ATM: variants seen among roughly 807,000 people sequenced by gnomAD.
ATM encodes ATM serine/threonine kinase.
In ATM, 308 loss-of-function variants were observed where a neutral mutation model predicts 387.0. That is an observed-to-expected ratio of 0.80 (90% CI 0.73 to 0.87). ATM has a LOEUF of 0.87. ATM is among the 40% of genes least tolerant of loss of function. The pLI is 0.00. For synonymous variants in ATM, 1,156 were observed against 1,187.3 expected, an observed-to-expected ratio of 0.97 and a Z score of 0.54; for missense variants, 3,312 against 3,560.9, an observed-to-expected ratio of 0.93 and a Z score of 1.78.
chr11:108,252,110 G>A, intron 11 of ATM, 79 bp downstream of exon 11: 1 of 1,256,594 alleles, frequency 8.0e-7, no homozygotes, highest in Non-Finnish European at 1.1e-6. Context: ...ATGCCAGATG[G>A]CTTTATTTTA....
intron 58 of ATM, 131 bp downstream of exon 58, chr11:108,346,039 C>T (rs553937078): frequency 1.0e-5 from 10 of 953,746 alleles, no homozygotes; most frequent in African/African-American, 4.9e-5. Context: ...AGTAACCAAC[C>T]CATCTTCATT....
At chr11:108,309,652 A>G (rs4988067) in intron 38 of ATM, among the ~76,000 whole-genome samples, 1 of 152,222 alleles carries the variant, frequency 6.6e-6, no homozygotes, top group Admixed American at 6.5e-5. Flanking sequence ...TGACCTACCT[A>G]TTAACACAGT....
At position 108,254,389 on chromosome 11, in the gene ATM, A is replaced by C. The variant is rs554229804; in HGVS notation, c.2124+350A>C. On this transcript the variant is annotated intron_variant, in intron 13 of 62. Coordinates refer to ENST00000675843, the MANE Select transcript of ATM (RefSeq NM_000051.4). ...CAGTAATAGAAAAGAACACGATGTA[A>C]ACAAATCTAATAGATTTTGGTGGCA... 7.9e-5 allele frequency among the ~76,000 whole-genome samples: 12 copies of C among 152,308 alleles called. No homozygotes were observed. The South Asian group carries it at 2.5e-3, about 32-fold the overall frequency.
At position 108,227,732 on chromosome 11, in the gene ATM, TAA is replaced by T. The variant is rs2066734; in HGVS notation, c.72+37_72+38del. ...ACTTAAATTCAATTTTTCCTTGAAATAAGTGTGATTAGTAACCCATTATTATT... is the reference window on the plus strand; with the variant it reads ...ACTTAAATTCAATTTTTCCTTGAAATGTGTGATTAGTAACCCATTATTATT... On this transcript the variant is annotated intron_variant, in intron 2 of 62. Transcript: ENST00000675843. 0.41 allele frequency: 666,678 copies of T among 1,612,058 alleles called. 142,105 individuals are homozygous for T. Among genetic ancestry groups the T allele is most frequent in the Middle Eastern group, 0.59 (3,565 of 6,048 alleles).
intron 39 of ATM, 109 bp from the exon 40 acceptor site, chr11:108,312,302 T>G: frequency 1.2e-6 from 1 of 814,616 alleles, no homozygotes; most frequent in East Asian, 2.5e-5. Flanking sequence ...TTTATTCTGT[T>G]TTGTTTGCCA....
intron 23 of ATM, among the ~76,000 whole-genome samples, chr11:108,280,112 A>G (rs1176952401): frequency 6.6e-6 from 1 of 152,206 alleles, no homozygotes; most frequent in Non-Finnish European, 1.5e-5. Flanking sequence ...TCTTACAAGT[A>G]TTTAAGGTAG....
chr11:108,258,004 C>A (rs1187367034), intron 15 of ATM, among the ~76,000 whole-genome samples: 1 of 152,196 alleles, frequency 6.6e-6, no homozygotes, highest in Admixed American at 6.5e-5. Context: ...TCAAGTGATT[C>A]TCCCACCTCA....
chr11:108,310,576 T>G lies in ATM; in HGVS notation c.5918+261T>G, dbSNP rs2084066406. Among the ~76,000 whole-genome samples the G allele has an allele frequency of 2.6e-5, 4 of 152,298 alleles. No individual in the cohort carries two copies. The South Asian group carries it at 8.3e-4, about 32-fold the overall frequency. Reference sequence around the variant, plus strand: ...CCTATAGGACAGAGTCCATACTTAATTTTCTGTATATTCCCCATAATAGCC... The same window carrying G: ...CCTATAGGACAGAGTCCATACTTAAGTTTCTGTATATTCCCCATAATAGCC... On this transcript the variant is annotated intron_variant, in intron 39 of 62. Coordinates refer to ENST00000675843, the MANE Select transcript of ATM (RefSeq NM_000051.4).
Position 108,282,732 on chromosome 11 carries a change from CT to C in ATM, c.3603del (p.Phe1201LeufsTer6), listed in dbSNP as rs1057517129. 1 of 1,613,198 alleles carries C rather than the reference CT, an allele frequency of 6.2e-7. No individual in the cohort carries two copies. Among genetic ancestry groups the C allele is most frequent in the Non-Finnish European group, 8.5e-7 (1 of 1,179,696 alleles). On this transcript the variant is annotated frameshift_variant, in exon 25 of 63. Transcript: ENST00000675843. LOFTEE classifies it high-confidence loss of function. ...VKKVLEKVSE[T>X]FGYRRLEDFM... ...CAGGTTTTAGAGAAAGTTTCTGAAA[CT>C]TTTGGATATAGACGTTTAGAAGACT... is the stretch of plus-strand genomic sequence containing the variant.
At chr11:108,344,324 G>A (rs971655782) in intron 57 of ATM, among the ~76,000 whole-genome samples, 3 of 152,132 alleles carry the variant, frequency 2.0e-5, no homozygotes, top group African/African-American at 7.2e-5. Flanking sequence ...TTGTAAATGA[G>A]TTGTTTTTCC....
At chr11:108,326,268 TA>T (rs774886495) in intron 47 of ATM, 43 bp downstream of exon 47, 2 of 1,607,350 alleles carry the variant, frequency 1.2e-6, no homozygotes, top group Non-Finnish European at 1.7e-6. Flanking sequence ...TACTGTTATT[TA>T]AAAAAACACA....
chr11:108,240,406 C>T (rs1282693073), intron 5 of ATM, among the ~76,000 whole-genome samples: 2 of 152,080 alleles, frequency 1.3e-5, no homozygotes, highest in Non-Finnish European at 2.9e-5. Flanking sequence ...TACAGTTGTG[C>T]GTCTCTTAAC....
intron 61 of ATM, among the ~76,000 whole-genome samples, chr11:108,356,952 C>T (rs546363283): frequency 2.6e-5 from 4 of 152,260 alleles, no homozygotes; most frequent in African/African-American, 4.8e-5. Context: ...CCAAGATGGC[C>T]GAATAGGAAC....
Position 108,293,379 on chromosome 11 carries a change from A to G in ATM, c.4678A>G (p.Lys1560Glu), listed in dbSNP as rs767981230. 6.2e-7 allele frequency: 1 copy of G among 1,602,480 alleles called. No individual in the cohort carries two copies. Among genetic ancestry groups the G allele is most frequent in the Non-Finnish European group, 8.5e-7 (1 of 1,169,974 alleles). The change falls in exon 31 of 63, where the codon AAG becomes GAG. Residue 1560 changes from lysine to glutamate, a missense_variant. Lys to Glu is a moderately conservative substitution (Grantham distance 56). Transcript: ENST00000675843. ...KDNENLYITI[K>E]LLDPFPDHVV... ...TAATGAAAACCTCTATATCACGATT[A>G]AGCTTTTAGATCCTTTTCCTGACCA...
chr11:108,347,440 G>T, intron 59 of ATM, 75 bp downstream of exon 59: 1 of 1,209,352 alleles, frequency 8.3e-7, no homozygotes, highest in Middle Eastern at 2.7e-4. Flanking sequence ...TGCCTACCAA[G>T]ATATTACAAA....
At chr11:108,236,385 A>ATAGC (rs2079277898) in intron 5 of ATM, 2 of 161,434 alleles carry the variant, frequency 1.2e-5, no homozygotes, top group Admixed American at 1.2e-4. Flanking sequence ...CTTTAAAAAA[A>ATAGC]TAGCGGAGGT....
chr11:108,344,308 CGA>C (rs1278273739), intron 57 of ATM, among the ~76,000 whole-genome samples: 1 of 151,860 alleles, frequency 6.6e-6, no homozygotes, highest in Non-Finnish European at 1.5e-5. Context: ...GTGTGTGAGC[CGA>C]GTTTTGTAAA....
rs770911662 is a variant in ATM, at chr11:108,244,888, G to C, written c.763G>C (p.Gly255Arg). The change falls in exon 7 of 63, where the codon GGA becomes CGA. Residue 255 changes from glycine to arginine, a missense_variant. Coordinates refer to ENST00000675843, the MANE Select transcript of ATM (RefSeq NM_000051.4). The part of the protein sequence containing the change: ...VNFRIRVCEL[G>R]DEILPTLLYI... The stretch of plus-strand genomic sequence containing the variant: ...CTTTCGAATTCGAGTGTGTGAATTA[G>C]GAGATGAAATTCTTCCCACTTTGCT... The C allele has an allele frequency of 6.2e-7, 1 of 1,613,764 alleles. No homozygotes were observed. Among genetic ancestry groups the C allele is most frequent in the Non-Finnish European group, 8.5e-7 (1 of 1,179,876 alleles).
chr11:108,224,854 A>G (rs1446542811), intron 1 of ATM: 1 of 152,238 alleles, frequency 6.6e-6, no homozygotes, highest in African/African-American at 2.4e-5. Flanking sequence ...CCTGCTGCCC[A>G]GATATGACTT....
Sources: gnomAD v4.1 joint callset for allele counts (sites outside exome capture counted in the v4.1 genomes callset) on GRCh38, gnomAD v4.1.1 for gene constraint, MANE v1.5 for transcripts, NCBI Gene and HGNC (gene_info 2026-07-23, HGNC 2026-07-21) for gene names.